Variants in ITGA9 observed in about 807,000 individuals in gnomAD.
The protein encoded by ITGA9 is integrin alpha-9.
A neutral mutation model predicts 127.8 loss-of-function variants in ITGA9; 56 were observed. That is an observed-to-expected ratio of 0.44 (90% CI 0.35 to 0.55). ITGA9 has a LOEUF of 0.55. Among genes scored for constraint, ITGA9 ranks in the 20% least tolerant of loss-of-function variants. The probability of loss-of-function intolerance (pLI) is 0.00; values close to 1 mark genes in which losing one functional copy is unlikely to be tolerated. For synonymous variants in ITGA9, 508 were observed against 514.5 expected (o/e 0.99, Z 0.17); for missense variants, 1,196 against 1,347.1 (o/e 0.89, Z 1.76).
intron 15 of ITGA9, among the ~76,000 whole-genome samples, chr3:37,605,826 G>T (rs892474089): frequency 5.3e-5 from 8 of 152,160 alleles, no homozygotes; most frequent in Non-Finnish European, 8.8e-5. Flanking sequence ...GAGGGCGGCT[G>T]GTTAAAAATC....
intron 20 of ITGA9, among the ~76,000 whole-genome samples, chr3:37,740,963 G>T (rs949607516): frequency 6.6e-6 from 1 of 152,156 alleles, no homozygotes; most frequent in African/African-American, 2.4e-5. Context: ...GGTTTGGTCA[G>T]GGCCTCTTTC....
At chr3:37,695,294 G>A (rs1700873408) in intron 18 of ITGA9, among the ~76,000 whole-genome samples, 1 of 152,200 alleles carries the variant, frequency 6.6e-6, no homozygotes. Context: ...GAAGACTGAA[G>A]CCACAGTGTG....
chr3:37,695,868 G>A (rs1464371839), intron 18 of ITGA9, among the ~76,000 whole-genome samples: 1 of 152,158 alleles, frequency 6.6e-6, no homozygotes, highest in Non-Finnish European at 1.5e-5. Context: ...GCATTTCAGG[G>A]CTAGTATGCA....
At chr3:37,748,086 C>G (rs1254948898) in intron 22 of ITGA9, 1 of 432,724 alleles carries the variant, frequency 2.3e-6, no homozygotes, top group Non-Finnish European at 4.5e-6. Context: ...TGGCCAGAAC[C>G]ACCATCTTCC....
At position 37,820,575 on chromosome 3, in the gene ITGA9, G is replaced by C. The variant is rs1447619603; in HGVS notation, c.*1586G>C. 5 of 152,264 alleles carry C rather than the reference G, an allele frequency of 3.3e-5. No individual in the cohort carries two copies. Among genetic ancestry groups the C allele is most frequent in the African/African-American group, 4.8e-5 (2 of 41,438 alleles). The allele number at this position is 152,264 out of a possible 1,614,324, so 9.4% of individuals were successfully genotyped here. Reference sequence around the variant, plus strand: ...CAGATGCACTGTGCTGCTTAGTTTTGAGTGCAGTGTGATTTTCTGAAAGGG... The same window carrying C: ...CAGATGCACTGTGCTGCTTAGTTTTCAGTGCAGTGTGATTTTCTGAAAGGG... On this transcript the variant is annotated 3_prime_UTR_variant, in exon 28 of 28. Coordinates refer to ENST00000264741, the MANE Select transcript of ITGA9 (RefSeq NM_002207.3).
chr3:37,462,049 A>G (rs1698321111), intron 1 of ITGA9, among the ~76,000 whole-genome samples: 1 of 152,248 alleles, frequency 6.6e-6, no homozygotes, highest in Admixed American at 6.5e-5. Context: ...GCTTTTTCTT[A>G]GATCTGCCAG....
At chr3:37,519,130 T>G (rs1699018817) in intron 10 of ITGA9, 130 bp from the exon 11 acceptor site, 1 of 723,760 alleles carries the variant, frequency 1.4e-6, no homozygotes. Flanking sequence ...GTCCCCAAAT[T>G]AATGCTTGAA....
chr3:37,573,491 T>C (rs1193235982), intron 15 of ITGA9, among the ~76,000 whole-genome samples: 4 of 152,288 alleles, frequency 2.6e-5, no homozygotes, highest in African/African-American at 9.6e-5. Context: ...CCACAGGAGC[T>C]AGAGTCCCCT....
chr3:37,671,606 TGG>T (rs965024440), intron 17 of ITGA9, among the ~76,000 whole-genome samples: 35 of 152,092 alleles, frequency 2.3e-4, no homozygotes, highest in African/African-American at 8.5e-4. Flanking sequence ...CTGGCCCAGG[TGG>T]GTACCTATGA....
At chr3:37,521,587 A>G (rs1217556839) in intron 11 of ITGA9, among the ~76,000 whole-genome samples, 1 of 152,216 alleles carries the variant, frequency 6.6e-6, no homozygotes, top group Non-Finnish European at 1.5e-5. Context: ...AGCACTGGGC[A>G]GACTTATCTT....
intron 15 of ITGA9, among the ~76,000 whole-genome samples, chr3:37,603,156 G>T (rs57275491): frequency 6.6e-6 from 1 of 152,124 alleles, no homozygotes; most frequent in Non-Finnish European, 1.5e-5. Flanking sequence ...AGGCCTTATC[G>T]AATGGGGTTT....
At position 37,823,325 on chromosome 3, in the gene ITGA9, C is replaced by T. The variant is rs1697535651; in HGVS notation, c.*4336C>T. ...ACCCACGCTATCTGCATTTCCAGAA[C>T]TTTACTGATGCATCCATGTACATTT... On this transcript the variant is annotated 3_prime_UTR_variant, in exon 28 of 28. Transcript: ENST00000264741. 1 of 152,170 alleles carries T rather than the reference C, an allele frequency of 6.6e-6. No homozygotes were observed. Among genetic ancestry groups the T allele is most frequent in the Non-Finnish European group, 1.5e-5 (1 of 68,052 alleles). 9.4% of individuals were successfully genotyped at this position (152,170 alleles called of 1,614,324 possible).
chr3:37,535,738 G>A (rs1467187742), intron 14 of ITGA9, among the ~76,000 whole-genome samples: 2 of 152,300 alleles, frequency 1.3e-5, no homozygotes, highest in South Asian at 2.1e-4. Flanking sequence ...CACTCTAAGG[G>A]TGTGTTTCCC....
chr3:37,793,510 C>G (rs1697138530), intron 26 of ITGA9, among the ~76,000 whole-genome samples: 1 of 151,478 alleles, frequency 6.6e-6, no homozygotes, highest in African/African-American at 2.4e-5. Flanking sequence ...GAGGTCAAGA[C>G]AGGTTTCACA....
intron 15 of ITGA9, among the ~76,000 whole-genome samples, chr3:37,583,399 TATCATCATCAGCATC>T (rs11276513): frequency 0.64 from 97,337 of 151,898 alleles, 31,525 homozygotes; most frequent in East Asian, 0.74. Context: ...CTATTATTGC[TATCATCATCAGCATC>T]ATCATCATCA....
At position 37,473,465 on chromosome 3, in the gene ITGA9, G is replaced by T. The variant is rs764189278; in HGVS notation, c.420+5G>T. 1.9e-6 allele frequency: 3 copies of T among 1,608,502 alleles called. No homozygotes were observed. Among genetic ancestry groups the T allele is most frequent in the African/African-American group, 2.7e-5 (2 of 74,812 alleles). ...AAGGCTGATGGCCGTGTGTTGGTAA[G>T]TCCCTCCTGGGGGTGCTGTGGGAAG... On this transcript the variant is annotated splice_donor_5th_base_variant and intron_variant, in intron 3 of 27. Transcript: ENST00000264741.
intron 23 of ITGA9, among the ~76,000 whole-genome samples, chr3:37,760,601 TATGAA>T (rs1222744684): frequency 1.3e-5 from 2 of 152,174 alleles, no homozygotes; most frequent in Non-Finnish European, 2.9e-5. Flanking sequence ...CAATAAATGA[TATGAA>T]GACAATTGGC....
chr3:37,771,658 G>T (rs939571913), intron 23 of ITGA9, among the ~76,000 whole-genome samples: 3 of 152,200 alleles, frequency 2.0e-5, no homozygotes, highest in African/African-American at 7.2e-5. Context: ...GTCAGCTGAG[G>T]CCACAAGGAC....
At chr3:37,557,452 C>T (rs954470281) in intron 15 of ITGA9, among the ~76,000 whole-genome samples, 1 of 152,170 alleles carries the variant, frequency 6.6e-6, no homozygotes, top group Non-Finnish European at 1.5e-5. Context: ...CCCTTCGAAG[C>T]AGCCATCCAT....
Sources: allele counts gnomAD v4.1 joint callset (sites outside exome capture counted in the v4.1 genomes callset), GRCh38; gene constraint gnomAD v4.1.1; transcripts MANE v1.5; gene names NCBI Gene and HGNC (gene_info 2026-07-23, HGNC 2026-07-21).